The following TOR1AIP1 variants were observed in gnomAD, a reference collection of about 807,000 sequenced individuals.
The protein encoded by TOR1AIP1 is torsin-1A-interacting protein 1.
Under a neutral mutation model 63.3 loss-of-function variants are expected in TOR1AIP1, and 54 were observed. The observed-to-expected ratio is 0.85, with a 90% CI of 0.69 to 1.07. TOR1AIP1 has a LOEUF of 1.07. TOR1AIP1 is among the 50% of genes least tolerant of loss of function. The probability of loss-of-function intolerance (pLI) is 0.00; values close to 1 mark genes in which losing one functional copy is unlikely to be tolerated. For synonymous variants in TOR1AIP1, 294 were observed against 273.5 expected (o/e 1.07, Z -0.74); for missense variants, 736 against 715.0 (o/e 1.03, Z -0.33).
chr1:179,906,941 G>A lies in TOR1AIP1; in HGVS notation c.797-882G>A, dbSNP rs185408242. Among the ~76,000 whole-genome samples, 258 of 151,676 alleles carry A rather than the reference G, an allele frequency of 1.7e-3. 1 individual carries two copies. The highest frequency in any genetic ancestry group is 5.8e-3 in the African/African-American group (242 of 41,388). On this transcript the variant is annotated intron_variant, in intron 6 of 9. Transcript: ENST00000606911. ...TTTAGTAGAGACGGGGTTTCACCGT[G>A]TTAGCCAGGATGGTCTCGATCTCCT...
rs762633670 is a variant in TOR1AIP1, at chr1:179,882,565, C to T, written c.63C>T (p.Pro21=). The change falls in exon 1 of 10, where the codon CCC becomes CCT. Residue 21 remains proline (P), a synonymous_variant. Transcript: ENST00000606911. ...VREGWGVYVT[P]RAPIREGRGR... Reference sequence around the variant, plus strand: ...AAGGATGGGGTGTGTACGTCACCCCCAGGGCCCCCATCCGAGAGGGAAGGG... The same window carrying T: ...AAGGATGGGGTGTGTACGTCACCCCTAGGGCCCCCATCCGAGAGGGAAGGG... 66 of 1,513,024 alleles carry T rather than the reference C, an allele frequency of 4.4e-5. No individual in the cohort carries two copies. Among genetic ancestry groups the T allele is most frequent in the Non-Finnish European group, 5.1e-5 (58 of 1,134,704 alleles). 93.7% of individuals were successfully genotyped at this position (1,513,024 alleles called of 1,614,324 possible).
intron 8 of TOR1AIP1, among the ~76,000 whole-genome samples, chr1:179,909,549 T>C (rs909989413): frequency 3.3e-5 from 5 of 152,128 alleles, no homozygotes; most frequent in Non-Finnish European, 7.4e-5. Context: ...TAGCCAGGAC[T>C]ACAGGCGCGT....
rs189736286 is a variant in TOR1AIP1 at position 179,914,655 on chromosome 1, G to A, written c.964+601G>A. Reference sequence around the variant, plus strand: ...CTAAAAATACAAAAATTAGCTGGGCGTGGTGGCACACGCCTGTTGTCCCAC... The same window carrying A: ...CTAAAAATACAAAAATTAGCTGGGCATGGTGGCACACGCCTGTTGTCCCAC... On this transcript the variant is annotated intron_variant, in intron 9 of 9. Coordinates refer to ENST00000606911, the MANE Select transcript of TOR1AIP1 (RefSeq NM_015602.4). Among the ~76,000 whole-genome samples the A allele has an allele frequency of 9.6e-4, 146 of 152,260 alleles. 2 individuals are homozygous for A. Among genetic ancestry groups the A allele is most frequent in the African/African-American group, 3.4e-3 (140 of 41,554 alleles).
intron 6 of TOR1AIP1, among the ~76,000 whole-genome samples, chr1:179,905,235 C>T (rs748811678): frequency 2.0e-5 from 3 of 151,660 alleles, no homozygotes; most frequent in Non-Finnish European, 2.9e-5. Flanking sequence ...ATTAGCTGGG[C>T]GTGGTGGCGC....
At chr1:179,884,460 G>T (rs1558037908) in intron 1 of TOR1AIP1, among the ~76,000 whole-genome samples, 1 of 151,916 alleles carries the variant, frequency 6.6e-6, no homozygotes, top group Non-Finnish European at 1.5e-5. Context: ...ATATATTTTT[G>T]TAAAACAACA....
chr1:179,904,375 T>C (rs1444694348), intron 6 of TOR1AIP1, among the ~76,000 whole-genome samples: 1 of 152,210 alleles, frequency 6.6e-6, no homozygotes, highest in African/African-American at 2.4e-5. Flanking sequence ...CATAAAATTT[T>C]ATATTAGTAC....
chr1:179,900,565 T>TAAA, intron 4 of TOR1AIP1: 1 of 145,116 alleles, frequency 6.9e-6, no homozygotes, highest in Non-Finnish European at 1.5e-5. Flanking sequence ...GCCCATCTCT[T>TAAA]AAAAAAAAAA....
chr1:179,913,197 C>G (rs1282896656), intron 8 of TOR1AIP1, among the ~76,000 whole-genome samples: 1 of 150,838 alleles, frequency 6.6e-6, no homozygotes, highest in Non-Finnish European at 1.5e-5. Context: ...CTCCTGTGCT[C>G]AAGCTGTCCT....
chr1:179,888,093 A>G (rs1288540849), intron 2 of TOR1AIP1: 3 of 152,268 alleles, frequency 2.0e-5, no homozygotes, highest in Non-Finnish European at 4.4e-5. Flanking sequence ...GAACTGAAGT[A>G]GTGATTGATG....
At chr1:179,884,563 C>G (rs370460686) in intron 1 of TOR1AIP1, 129 bp from the exon 2 acceptor site, 1 of 680,700 alleles carries the variant, frequency 1.5e-6, no homozygotes, top group Non-Finnish European at 2.4e-6. Context: ...GTAAACCTAA[C>G]CACCTGTTTC....
intron 3 of TOR1AIP1, among the ~76,000 whole-genome samples, chr1:179,892,422 G>A (rs541707070): frequency 2.0e-5 from 3 of 151,894 alleles, no homozygotes; most frequent in South Asian, 2.1e-4. Context: ...GCAGTGAGCC[G>A]CAATCACGCC....
At chr1:179,911,624 T>C (rs545559054) in intron 8 of TOR1AIP1, among the ~76,000 whole-genome samples, 2 of 152,360 alleles carry the variant, frequency 1.3e-5, no homozygotes, top group South Asian at 2.1e-4. Flanking sequence ...CTCAGAAATT[T>C]AGATAGAGAA....
At chr1:179,883,879 T>A in intron 1 of TOR1AIP1, 1 of 307,374 alleles carries the variant, frequency 3.3e-6, no homozygotes, top group East Asian at 8.6e-5. Flanking sequence ...TTCATGTTAA[T>A]CCCATGTAAG....
intron 8 of TOR1AIP1, among the ~76,000 whole-genome samples, chr1:179,910,442 C>G (rs1648796820): frequency 6.6e-6 from 1 of 152,162 alleles, no homozygotes; most frequent in African/African-American, 2.4e-5. Flanking sequence ...TTTTTCTCAG[C>G]AGTGACGTTT....
chr1:179,884,825 A>T (rs373622780), intron 2 of TOR1AIP1, 56 bp downstream of exon 2: 3 of 1,354,868 alleles, frequency 2.2e-6, no homozygotes, highest in East Asian at 4.7e-5. Flanking sequence ...TTAAATGTTC[A>T]TTGAATTAAA....
chr1:179,899,299 A>G (rs995067311), intron 3 of TOR1AIP1, among the ~76,000 whole-genome samples: 1 of 151,604 alleles, frequency 6.6e-6, no homozygotes, highest in African/African-American at 2.4e-5. Context: ...CCATGTAAAA[A>G]TACTATGTTC....
chr1:179,886,184 T>C (rs186927200), intron 2 of TOR1AIP1, among the ~76,000 whole-genome samples: 172 of 152,366 alleles, frequency 1.1e-3, no homozygotes, highest in African/African-American at 4.1e-3. Context: ...CAGTAGATTT[T>C]ATTGTATACC....
rs571693994 is a variant in TOR1AIP1 at position 179,885,887 on chromosome 1, C to T, written c.553+1118C>T. Among the ~76,000 whole-genome samples the T allele has an allele frequency of 2.4e-4, 37 of 152,150 alleles. No individual in the cohort carries two copies. In the South Asian group the frequency reaches 7.1e-3, roughly 29 times the overall value. ...TCCTGAGTAGCTGGGATTACAGGCGCCTGACACCACACCTGGCTAATTTTT... is the reference window on the plus strand; with the variant it reads ...TCCTGAGTAGCTGGGATTACAGGCGTCTGACACCACACCTGGCTAATTTTT... On this transcript the variant is annotated intron_variant, in intron 2 of 9. Coordinates refer to ENST00000606911, the MANE Select transcript of TOR1AIP1 (RefSeq NM_015602.4).
intron 3 of TOR1AIP1, among the ~76,000 whole-genome samples, chr1:179,898,916 T>TA (rs1044715736): frequency 1.3e-5 from 2 of 151,608 alleles, no homozygotes; most frequent in Admixed American, 6.6e-5. Flanking sequence ...TTTTTTTAAA[T>TA]AAAAAAATGT....
Sources: allele counts gnomAD v4.1 joint callset (sites outside exome capture counted in the v4.1 genomes callset), GRCh38; gene constraint gnomAD v4.1.1; transcripts MANE v1.5; gene names NCBI Gene and HGNC (gene_info 2026-07-23, HGNC 2026-07-21).